GALNT10: variants seen among roughly 807,000 people sequenced by gnomAD.
GALNT10 encodes the protein GalNAc transferase 10.
In GALNT10, 41 loss-of-function variants were observed where a neutral mutation model predicts 75.0. The observed-to-expected ratio is 0.55, with a 90% confidence interval of 0.43 to 0.71. The LOEUF (loss-of-function observed/expected upper bound fraction) is 0.71, where lower values mean the gene tolerates loss of function less well. Among genes scored for constraint, GALNT10 ranks in the 30% least tolerant of loss-of-function variants. The pLI is 0.00. For synonymous variants in GALNT10, 302 were observed against 313.0 expected, an observed-to-expected ratio of 0.96 and a Z score of 0.37; for missense variants, 727 against 818.5, an observed-to-expected ratio of 0.89 and a Z score of 1.36.
intron 4 of GALNT10, among the ~76,000 whole-genome samples, chr5:154,368,992 C>T (rs1755521239): frequency 6.6e-6 from 1 of 152,146 alleles, no homozygotes. Flanking sequence ...TGTCACCTAC[C>T]AGCTGTCTGA....
chr5:154,341,203 G>A (rs898014579), intron 4 of GALNT10, among the ~76,000 whole-genome samples: 1 of 152,094 alleles, frequency 6.6e-6, no homozygotes, highest in Non-Finnish European at 1.5e-5. Context: ...TCCAGCCTTT[G>A]GGGATCCTCA....
rs1294041939 is a variant in GALNT10 at position 154,256,790 on chromosome 5, GA to G, written c.160-38025del. ...TAGTCCTTCTATACAGGCTTCAACAGATGTCTCCCCAAATTCAGATGCTCTC... is the reference window on the plus strand; with the variant it reads ...TAGTCCTTCTATACAGGCTTCAACAGTGTCTCCCCAAATTCAGATGCTCTC... On this transcript the variant is annotated intron_variant, in intron 1 of 11. Coordinates refer to ENST00000297107, the MANE Select transcript of GALNT10 (RefSeq NM_198321.4). 3.9e-5 allele frequency among the ~76,000 whole-genome samples: 6 copies of G among 152,092 alleles called. No homozygotes were observed. The East Asian group carries it at 1.2e-3, about 29-fold the overall frequency.
chr5:154,307,274 T>C (rs1318304616), intron 3 of GALNT10, among the ~76,000 whole-genome samples: 1 of 152,204 alleles, frequency 6.6e-6, no homozygotes, highest in Non-Finnish European at 1.5e-5. Flanking sequence ...AAGAAAACTT[T>C]AGGCCCAGAT....
intron 1 of GALNT10, among the ~76,000 whole-genome samples, chr5:154,260,957 C>T (rs1753690705): frequency 6.6e-6 from 1 of 151,894 alleles, no homozygotes; most frequent in African/African-American, 2.4e-5. Context: ...ATGAACCAGC[C>T]TCTGCAGAAA....
chr5:154,380,829 C>T (rs894949490), intron 6 of GALNT10, among the ~76,000 whole-genome samples, 198 bp downstream of exon 6: 3 of 152,136 alleles, frequency 2.0e-5, no homozygotes, highest in South Asian at 2.1e-4. Context: ...AGCTCATGGC[C>T]CACCAGGCTG....
chr5:154,253,417 A>C (rs1408207535), intron 1 of GALNT10, among the ~76,000 whole-genome samples: 1 of 151,010 alleles, frequency 6.6e-6, no homozygotes, highest in African/African-American at 2.4e-5. Context: ...GGGAAGGGAT[A>C]GCATTAGGAG....
intron 7 of GALNT10, among the ~76,000 whole-genome samples, chr5:154,395,451 G>A (rs1305549948): frequency 6.6e-6 from 1 of 152,230 alleles, no homozygotes; most frequent in African/African-American, 2.4e-5. Context: ...AGCATGATAT[G>A]AGCCAAAATA....
At chr5:154,360,587 A>G (rs774958094) in intron 4 of GALNT10, among the ~76,000 whole-genome samples, 1 of 152,220 alleles carries the variant, frequency 6.6e-6, no homozygotes, top group African/African-American at 2.4e-5. Context: ...AACCAATACC[A>G]TATCTTTTCA....
At chr5:154,240,643 A>G (rs1753318482) in intron 1 of GALNT10, among the ~76,000 whole-genome samples, 1 of 152,234 alleles carries the variant, frequency 6.6e-6, no homozygotes, top group Non-Finnish European at 1.5e-5. Context: ...GAAAACAACC[A>G]TTATATTTTG....
Position 154,376,278 on chromosome 5 carries a change from G to A in GALNT10, c.570G>A (p.Glu190=). Residue 190 remains glutamate, a splice_region_variant and synonymous_variant, in exon 5 of 12, where the codon GAG becomes GAA. Coordinates refer to ENST00000297107, the MANE Select transcript of GALNT10 (RefSeq NM_198321.4). This position sits in a 1 kb window ranked among gnomAD's most constrained non-coding sequence, Gnocchi z 4.1. ...CTTCTGTCCTCTTCTGTCTCATAGA[G>A]CACCTGAAGAAGCCTCTTGAAGACT... The part of the protein sequence containing the change: ...IVLVDDFSDR[E]HLKKPLEDYM... The A allele has an allele frequency of 6.2e-7, 1 of 1,601,722 alleles. No individual in the cohort carries two copies. Among genetic ancestry groups the A allele is most frequent in the Non-Finnish European group, 8.5e-7 (1 of 1,170,088 alleles).
intron 7 of GALNT10, among the ~76,000 whole-genome samples, chr5:154,390,710 C>A (rs1313997073): frequency 6.6e-6 from 1 of 152,166 alleles, no homozygotes; most frequent in African/African-American, 2.4e-5. Flanking sequence ...CTCTTCAGAA[C>A]CCCCACCATG....
rs754747482 is a variant in GALNT10 at position 154,409,408 on chromosome 5, C to T, written c.1165-133C>T. On this transcript the variant is annotated intron_variant, in intron 8 of 11. Coordinates refer to ENST00000297107, the MANE Select transcript of GALNT10 (RefSeq NM_198321.4). This position sits in a 1 kb window ranked among gnomAD's most constrained non-coding sequence, Gnocchi z 4.5. ...TAGAAACACAGAAGGCCTAAACTCA[C>T]GGTGGGGCTGGGATTTTTGATGGAA... The T allele has an allele frequency of 2.1e-5, 16 of 752,498 alleles. No homozygotes were observed. The highest frequency in any genetic ancestry group is 1.4e-4 in the South Asian group (10 of 69,246). 46.6% of individuals were successfully genotyped at this position (752,498 alleles called of 1,614,324 possible). A position where few individuals can be genotyped will look rare whatever the true frequency, so the allele number is the denominator to read the frequency against.
At chr5:154,253,509 G>A (rs942066866) in intron 1 of GALNT10, among the ~76,000 whole-genome samples, 7 of 151,864 alleles carry the variant, frequency 4.6e-5, no homozygotes, top group Admixed American at 6.6e-5. Context: ...TTGTGCACAT[G>A]TACTCTAAAA....
chr5:154,348,274 T>C (rs1755157770), intron 4 of GALNT10, among the ~76,000 whole-genome samples: 1 of 152,274 alleles, frequency 6.6e-6, no homozygotes, highest in Non-Finnish European at 1.5e-5. Flanking sequence ...ATTTCATTTT[T>C]ATTACAGCCT....
At chr5:154,300,121 C>T (rs1351722257) in intron 3 of GALNT10, among the ~76,000 whole-genome samples, 1 of 152,146 alleles carries the variant, frequency 6.6e-6, no homozygotes, top group East Asian at 1.9e-4. Flanking sequence ...CAGATGTGAG[C>T]CACCGTGCCT....
At chr5:154,197,207 TCTTA>T (rs1581913993) in intron 1 of GALNT10, among the ~76,000 whole-genome samples, 1 of 152,164 alleles carries the variant, frequency 6.6e-6, no homozygotes, top group African/African-American at 2.4e-5. Context: ...CTTTATTGAA[TCTTA>T]CTTACCCGTT....
intron 1 of GALNT10, among the ~76,000 whole-genome samples, chr5:154,250,192 G>A (rs1753492996): frequency 6.6e-6 from 1 of 152,298 alleles, no homozygotes. Context: ...GTGGAACTGG[G>A]AGATTGTTCA....
intron 4 of GALNT10, among the ~76,000 whole-genome samples, chr5:154,364,514 A>G (rs1261977173): frequency 6.6e-6 from 1 of 152,234 alleles, no homozygotes; most frequent in South Asian, 2.1e-4. Flanking sequence ...GGTGTTTTGC[A>G]TGGGGAGGGG....
intron 1 of GALNT10, among the ~76,000 whole-genome samples, chr5:154,228,680 G>A (rs1428054717): frequency 2.0e-5 from 3 of 152,234 alleles, no homozygotes; most frequent in African/African-American, 7.2e-5. Context: ...CAGTAAGGAT[G>A]GCGGGAGTCC....
Sources: gnomAD v4.1 joint callset for allele counts (sites outside exome capture counted in the v4.1 genomes callset) on GRCh38, gnomAD v4.1.1 for gene constraint, Gnocchi (gnomAD v3.1) non-coding constraint, MANE v1.5 for transcripts, NCBI Gene and HGNC (gene_info 2026-07-23, HGNC 2026-07-21) for gene names.